Variants in RFX3 observed in about 807,000 individuals in gnomAD.
RFX3 encodes the protein regulatory factor X3.
Under a neutral mutation model 98.6 loss-of-function variants are expected in RFX3, and 14 were observed. The ratio of observed to expected loss-of-function variants is 0.14; its 90% confidence interval spans 0.09 to 0.22. The LOEUF is 0.22. Ranked by LOEUF, RFX3 falls within the 10% of genes least tolerant of loss-of-function variation. RFX3 has a pLI of 1.00. For missense variants in RFX3, 639 were observed against 926.9 expected (o/e 0.69, Z 4.03); for synonymous variants, 383 against 328.4 (o/e 1.17, Z -1.80).
At chr9:3,417,276 T>A (rs1374156050) in intron 1 of RFX3, among the ~76,000 whole-genome samples, 2 of 152,082 alleles carry the variant, frequency 1.3e-5, no homozygotes, top group African/African-American at 4.8e-5. Flanking sequence ...CCCCTTTTAA[T>A]GATATAACAA....
chr9:3,406,639 G>C (rs1842001934), intron 1 of RFX3, among the ~76,000 whole-genome samples: 1 of 152,060 alleles, frequency 6.6e-6, no homozygotes, highest in African/African-American at 2.4e-5. Flanking sequence ...CAAAGAAGAT[G>C]AGTTTAAGAC....
chr9:3,276,312 G>T (rs1286483186), intron 8 of RFX3, among the ~76,000 whole-genome samples: 1 of 152,082 alleles, frequency 6.6e-6, no homozygotes, highest in Non-Finnish European at 1.5e-5. Context: ...CCTTGTGAGG[G>T]AGGCGTAATT....
At chr9:3,482,891 A>G (rs1264814799) in intron 1 of RFX3, among the ~76,000 whole-genome samples, 1 of 152,134 alleles carries the variant, frequency 6.6e-6, no homozygotes, top group Admixed American at 6.6e-5. Flanking sequence ...TGGTATGTCC[A>G]CTTGGGAGCT....
At chr9:3,310,822 T>C (rs901956257) in intron 4 of RFX3, among the ~76,000 whole-genome samples, 2 of 152,282 alleles carry the variant, frequency 1.3e-5, no homozygotes, top group South Asian at 2.1e-4. Context: ...AAAATGAATA[T>C]AAACAAAGTG....
chr9:3,378,752 C>A (rs995595039), intron 2 of RFX3, among the ~76,000 whole-genome samples: 2 of 151,892 alleles, frequency 1.3e-5, no homozygotes, highest in East Asian at 3.9e-4. Context: ...GATGGGGTTT[C>A]ATCATGTTGG....
intron 4 of RFX3, among the ~76,000 whole-genome samples, chr9:3,318,940 C>A (rs1318372760): frequency 1.3e-5 from 2 of 152,130 alleles, no homozygotes; most frequent in African/African-American, 2.4e-5. Context: ...CCCAGATTCC[C>A]CCACCCTCAC....
At chr9:3,278,053 T>C (rs1825461889) in intron 7 of RFX3, among the ~76,000 whole-genome samples, 1 of 151,904 alleles carries the variant, frequency 6.6e-6, no homozygotes, top group African/African-American at 2.4e-5. Flanking sequence ...AGAATCAATC[T>C]ACAAACAGAG....
chr9:3,492,295 G>C (rs1850781319), intron 1 of RFX3, among the ~76,000 whole-genome samples: 3 of 152,098 alleles, frequency 2.0e-5, no homozygotes, highest in African/African-American at 7.2e-5. Flanking sequence ...CCATAACTAA[G>C]AGTAAATAAG....
intron 1 of RFX3, among the ~76,000 whole-genome samples, chr9:3,520,635 A>G (rs1818616395): frequency 6.6e-6 from 1 of 152,152 alleles, no homozygotes; most frequent in Non-Finnish European, 1.5e-5. Flanking sequence ...AAACAATCAA[A>G]CTAGCCTATT....
intron 1 of RFX3, among the ~76,000 whole-genome samples, chr9:3,509,055 A>G (rs1417324454): frequency 6.6e-6 from 1 of 151,934 alleles, no homozygotes; most frequent in Non-Finnish European, 1.5e-5. Flanking sequence ...CCACAGTCCC[A>G]TACTATTAAA....
intron 7 of RFX3, among the ~76,000 whole-genome samples, chr9:3,283,854 T>C (rs1826236848): frequency 7.3e-6 from 1 of 136,594 alleles, no homozygotes; most frequent in African/African-American, 3.4e-5. Flanking sequence ...AAAAATTTTA[T>C]TACGTGTATT....
chr9:3,367,787 A>T (rs1230841373), intron 2 of RFX3, among the ~76,000 whole-genome samples: 1 of 152,208 alleles, frequency 6.6e-6, no homozygotes, highest in Admixed American at 6.5e-5. Context: ...GGTGAAATAC[A>T]AGGATAATTC....
chr9:3,477,310 T>C (rs965112000), intron 1 of RFX3, among the ~76,000 whole-genome samples: 1 of 152,214 alleles, frequency 6.6e-6, no homozygotes, highest in Non-Finnish European at 1.5e-5. Flanking sequence ...TTCACACGGA[T>C]TAAAATTTAC....
intron 2 of RFX3, 116 bp from the exon 3 acceptor site, chr9:3,346,880 T>A: frequency 1.5e-6 from 1 of 679,374 alleles, no homozygotes; most frequent in Non-Finnish European, 2.7e-6. Context: ...GAAAGACTGA[T>A]AAGAAAAACT....
rs904068748 is a variant in RFX3, at chr9:3,485,432, G to C, written c.-9+40315C>G. ...ATAAGAATATTGAATTAGTAAGTGA[G>C]TGAACCAATAGTCAAACTCAGGTTT... On this transcript the variant is annotated intron_variant, in intron 1 of 16. Transcript: ENST00000617270. Among the ~76,000 whole-genome samples, 3 of 152,194 alleles carry C rather than the reference G, an allele frequency of 2.0e-5. No individual in the cohort carries two copies. The South Asian group carries it at 6.2e-4, about 31-fold the overall frequency.
At chr9:3,374,333 C>G (rs1838209110) in intron 2 of RFX3, among the ~76,000 whole-genome samples, 1 of 152,022 alleles carries the variant, frequency 6.6e-6, no homozygotes, top group Admixed American at 6.6e-5. Flanking sequence ...AGTATATACT[C>G]AAAATAATTG....
rs779400390 is a variant in RFX3, at chr9:3,330,263, G to A, written c.470C>T (p.Ala157Val). 4 of 1,613,972 alleles carry A rather than the reference G, an allele frequency of 2.5e-6. No individual in the cohort carries two copies. The Admixed American group carries it at 5.0e-5, about 20-fold the overall frequency. ...SVTHTTRASP[A>V]TIEMAIETLQ... ...ACTAAAAATTCAAATACTTACTGTCGCTGGGGAGGCCCGAGTTGTGTGTGT... is the reference window on the plus strand; with the variant it reads ...ACTAAAAATTCAAATACTTACTGTCACTGGGGAGGCCCGAGTTGTGTGTGT... Residue 157 changes from alanine (A) to valine (V), a missense_variant, in exon 4 of 17, where the codon GCG becomes GTG. Around this residue, in one of 9 missense-constraint regions of RFX3, gnomAD observed 210 missense variants for 197.7 expected, o/e 1.06. Coordinates refer to ENST00000617270, the MANE Select transcript of RFX3 (RefSeq NM_001282116.2).
intron 1 of RFX3, chr9:3,400,170 T>A (rs1587519049): frequency 7.1e-6 from 6 of 849,834 alleles, no homozygotes; most frequent in Non-Finnish European, 8.5e-6. Context: ...AGATGTTACA[T>A]CACTTACCGA....
chr9:3,311,792 G>C (rs1478655127), intron 4 of RFX3, among the ~76,000 whole-genome samples: 1 of 152,154 alleles, frequency 6.6e-6, no homozygotes, highest in Non-Finnish European at 1.5e-5. Context: ...GCTGAGGCAG[G>C]ACAATCGCTT....
Sources: gnomAD v4.1 joint callset for allele counts (sites outside exome capture counted in the v4.1 genomes callset) on GRCh38, gnomAD v4.1.1 for gene constraint, gnomAD v4.1.1 regional missense constraint, MANE v1.5 for transcripts, NCBI Gene and HGNC (gene_info 2026-07-23, HGNC 2026-07-21) for gene names.